CYP3A7: variants seen among roughly 807,000 people sequenced by gnomAD.
The protein encoded by CYP3A7 is cytochrome P450 3A7.
A neutral mutation model predicts 55.2 loss-of-function variants in CYP3A7; 45 were observed. The ratio of observed to expected loss-of-function variants is 0.82; its 90% CI spans 0.64 to 1.05. The LOEUF is 1.05. Ranked by LOEUF, CYP3A7 falls within the 50% of genes least tolerant of loss-of-function variation. The pLI, the probability that CYP3A7 is intolerant of heterozygous loss-of-function variation, is 0.00. For missense variants in CYP3A7, 548 were observed against 605.3 expected (o/e 0.91, Z 0.99); for synonymous variants, 180 against 207.4 (o/e 0.87, Z 1.13).
chr7:99,730,352 C>G (rs1164502769), intron 2 of CYP3A7, among the ~76,000 whole-genome samples: 1 of 152,104 alleles, frequency 6.6e-6, no homozygotes, highest in Non-Finnish European at 1.5e-5. Flanking sequence ...AATAGACAAC[C>G]ACTATCTCAT....
At chr7:99,710,227 T>C (rs1813697484) in intron 10 of CYP3A7, among the ~76,000 whole-genome samples, 1 of 152,182 alleles carries the variant, frequency 6.6e-6, no homozygotes, top group Non-Finnish European at 1.5e-5. Context: ...AAGGCAATAT[T>C]ATAGAGTTTA....
chr7:99,723,878 A>G (rs1390968733), intron 2 of CYP3A7, among the ~76,000 whole-genome samples: 1 of 152,178 alleles, frequency 6.6e-6, no homozygotes, highest in Non-Finnish European at 1.5e-5. Flanking sequence ...ACTCGGGAAC[A>G]GTCTTCCCTT....
At chr7:99,711,781 A>AAACAACAAC (rs10692661) in intron 9 of CYP3A7, among the ~76,000 whole-genome samples, 1 of 151,212 alleles carries the variant, frequency 6.6e-6, no homozygotes, top group African/African-American at 2.4e-5. Context: ...AAACAAAACA[A>AAACAACAAC]AACAACAACA....
intron 9 of CYP3A7, among the ~76,000 whole-genome samples, chr7:99,713,229 T>A (rs1327184496): frequency 6.6e-6 from 1 of 152,208 alleles, no homozygotes; most frequent in Non-Finnish European, 1.5e-5. Context: ...ATCCACAGAC[T>A]GCTGACTCTT....
At position 99,705,578 on chromosome 7, in the gene CYP3A7, G is replaced by A. The variant is rs955747041; in HGVS notation, c.1434C>T (p.Arg478=). Residue 478 remains arginine, a synonymous_variant, in exon 13 of 13, where the codon CGC becomes CGT. Transcript: ENST00000336374. Reference sequence around the variant, plus strand: ...TTTCTGTTAGAAGAAGTCCTCCAAAGCGTAATTTCAGGGGGATCTGCAACA... The same window carrying A: ...TTTCTGTTAGAAGAAGTCCTCCAAAACGTAATTTCAGGGGGATCTGCAACA... ...CKETQIPLKL[R]FGGLLLTEKP... 1.1e-5 allele frequency: 18 copies of A among 1,613,448 alleles called. No homozygotes were observed. In the Admixed American group the frequency reaches 2.0e-4, roughly 18 times the overall value.
At chr7:99,722,442 T>C (rs569191480) in intron 2 of CYP3A7, 94 bp from the exon 3 acceptor site, 14 of 1,482,980 alleles carry the variant, frequency 9.4e-6, no homozygotes, top group Non-Finnish European at 9.3e-7. Flanking sequence ...TCCAATGAAA[T>C]TAGACTTGCT....
intron 7 of CYP3A7, chr7:99,715,449 C>T: frequency 3.0e-6 from 1 of 337,642 alleles, no homozygotes. Context: ...TTAAAAAAAC[C>T]CTGAAAAATT....
At chr7:99,732,851 G>A (rs1183599775) in intron 1 of CYP3A7, among the ~76,000 whole-genome samples, 1 of 152,176 alleles carries the variant, frequency 6.6e-6, no homozygotes, top group Non-Finnish European at 1.5e-5. Flanking sequence ...CCTTCCTGTT[G>A]ATAGCAAAAG....
chr7:99,728,783 A>G (rs750720553), intron 2 of CYP3A7, among the ~76,000 whole-genome samples: 1 of 152,034 alleles, frequency 6.6e-6, no homozygotes, highest in Admixed American at 6.6e-5. Context: ...TGCTTCCACT[A>G]TTGCCCTTGG....
chr7:99,713,357 C>G lies in CYP3A7; in HGVS notation c.865+112G>C, dbSNP rs1053323015. On this transcript the variant is annotated intron_variant, in intron 9 of 12. Coordinates refer to ENST00000336374, the MANE Select transcript of CYP3A7 (RefSeq NM_000765.5). ...TTTTAACATCCAAACCTGTGTCATT[C>G]TGCTATGTGGCAGAAATTCTCATCT... 6.0e-6 allele frequency: 9 copies of G among 1,511,136 alleles called. No homozygotes were observed. The African/African-American group carries it at 1.2e-4, about 21-fold the overall frequency. 93.6% of individuals were successfully genotyped at this position (1,511,136 alleles called of 1,614,324 possible). A position where few individuals can be genotyped will look rare whatever the true frequency, so the allele number is the denominator to read the frequency against.
At chr7:99,727,774 C>G (rs145820086) in intron 2 of CYP3A7, among the ~76,000 whole-genome samples, 2,361 of 152,306 alleles carry the variant, frequency 0.016, 25 homozygotes, top group Middle Eastern at 0.054. Flanking sequence ...TGGGGCCTCA[C>G]TCTTGCAAAG....
chr7:99,705,338 C>A lies in CYP3A7; in HGVS notation c.*162G>T. ...TACCAAGTATAACACTCTATACAGA[C>A]CATGAGAGAGCACAATGCACGTACA... On this transcript the variant is annotated 3_prime_UTR_variant, in exon 13 of 13. Transcript: ENST00000336374. 3.8e-6 allele frequency: 3 copies of A among 780,374 alleles called. No homozygotes were observed. Among genetic ancestry groups the A allele is most frequent in the Non-Finnish European group, 6.2e-6 (3 of 481,186 alleles). 48.3% of individuals were successfully genotyped at this position (780,374 alleles called of 1,614,324 possible).
At chr7:99,726,228 T>G (rs1814406540) in intron 2 of CYP3A7, among the ~76,000 whole-genome samples, 1 of 152,142 alleles carries the variant, frequency 6.6e-6, no homozygotes, top group South Asian at 2.1e-4. Context: ...CATTAAAGCC[T>G]AATCACCCTT....
intron 7 of CYP3A7, among the ~76,000 whole-genome samples, 196 bp from the exon 8 acceptor site, chr7:99,714,878 C>T (rs536062341): frequency 6.6e-6 from 1 of 152,284 alleles, no homozygotes; most frequent in Non-Finnish European, 1.5e-5. Flanking sequence ...ATAGGGACCA[C>T]CACTACAGCA....
chr7:99,717,712 A>G (rs1563023315), intron 4 of CYP3A7, 73 bp from the exon 5 acceptor site: 10 of 1,545,648 alleles, frequency 6.5e-6, no homozygotes, highest in Non-Finnish European at 8.9e-6. Flanking sequence ...AAATGTGTTA[A>G]ACAGGCATCA....
At chr7:99,711,021 A>C in intron 9 of CYP3A7, 129 bp from the exon 10 acceptor site, 123 of 1,479,916 alleles carry the variant, frequency 8.3e-5, no homozygotes, top group Non-Finnish European at 1.0e-4. Flanking sequence ...TCAGAGTCTC[A>C]CTGGGGGTGG....
At chr7:99,715,615 G>T in intron 7 of CYP3A7, 143 bp downstream of exon 7, 1 of 1,410,848 alleles carries the variant, frequency 7.1e-7, no homozygotes, top group South Asian at 1.2e-5. Context: ...GTTTACAATG[G>T]TGATGGTCGT....
chr7:99,730,884 G>A (rs1814586223), intron 2 of CYP3A7, 175 bp downstream of exon 2: 2 of 772,534 alleles, frequency 2.6e-6, no homozygotes, highest in African/African-American at 1.8e-5. Flanking sequence ...AGGTTCCTGA[G>A]AGTTAGCAAG....
intron 12 of CYP3A7, among the ~76,000 whole-genome samples, chr7:99,707,233 G>A (rs1813558412): frequency 6.6e-6 from 1 of 152,200 alleles, no homozygotes; most frequent in Non-Finnish European, 1.5e-5. Flanking sequence ...GACTGTGGTA[G>A]TCCTTCGTAT....
Sources: allele counts gnomAD v4.1 joint callset (sites outside exome capture counted in the v4.1 genomes callset), GRCh38; gene constraint gnomAD v4.1.1; transcripts MANE v1.5; gene names NCBI Gene and HGNC (gene_info 2026-07-23, HGNC 2026-07-21).